Variants in CHLSN observed in about 807,000 individuals in gnomAD.
The protein encoded by CHLSN is cholesin, also known as protein cholesin.
chr7:1,046,588 C>A, the CHLSN span, among the ~76,000 whole-genome samples: 1 of 152,174 alleles, frequency 6.6e-6, no homozygotes, highest in South Asian at 2.1e-4. Context: ...ACGTTTCGCT[C>A]CAATTTGAGA....
At chr7:1,016,462 C>T in the CHLSN span, among the ~76,000 whole-genome samples, 1 of 117,564 alleles carries the variant, frequency 8.5e-6, no homozygotes, top group Non-Finnish European at 1.7e-5. Flanking sequence ...GCAGCGCACG[C>T]CAGCACATAG....
At chr7:1,004,605 G>T in the CHLSN span, among the ~76,000 whole-genome samples, 1 of 152,158 alleles carries the variant, frequency 6.6e-6, no homozygotes, top group Admixed American at 6.5e-5. Context: ...TCTTGGCCTC[G>T]TCACTGGGGG....
chr7:1,023,057 C>T, the CHLSN span: 1 of 448,554 alleles, frequency 2.2e-6, no homozygotes, highest in Non-Finnish European at 4.5e-6. This position sits in a 1 kb window ranked among gnomAD's most constrained non-coding sequence, Gnocchi z 5.0. Flanking sequence ...CTTCCTGCCA[C>T]CCCTGCAGAG....
At chr7:994,420 C>T in the CHLSN span, among the ~76,000 whole-genome samples, 4 of 152,112 alleles carry the variant, frequency 2.6e-5, no homozygotes, top group African/African-American at 9.7e-5. Flanking sequence ...TGGCCCCCCC[C>T]AAAGTGTTGG....
At chr7:1,137,089 C>A in the CHLSN span, among the ~76,000 whole-genome samples, 5 of 152,136 alleles carry the variant, frequency 3.3e-5, no homozygotes, top group African/African-American at 1.2e-4. Context: ...AAGGTCCTTG[C>A]CACTTGGTAA....
the CHLSN span, among the ~76,000 whole-genome samples, chr7:1,064,387 A>T: frequency 6.6e-6 from 1 of 151,944 alleles, no homozygotes; most frequent in African/African-American, 2.4e-5. Flanking sequence ...TGCTCCAGGG[A>T]CTCTGAGGAG....
At chr7:1,100,339 G>A in the CHLSN span, among the ~76,000 whole-genome samples, 1 of 152,256 alleles carries the variant, frequency 6.6e-6, no homozygotes, top group Non-Finnish European at 1.5e-5. Flanking sequence ...TCGCTCTTCA[G>A]GTCCGGCTGG....
At chr7:1,130,094 G>C in the CHLSN span, among the ~76,000 whole-genome samples, 2 of 152,166 alleles carry the variant, frequency 1.3e-5, no homozygotes, top group African/African-American at 2.4e-5. Context: ...TCTCCTCTGA[G>C]TGGGCAAGGA....
At chr7:1,044,942 C>T in the CHLSN span, among the ~76,000 whole-genome samples, 2 of 152,272 alleles carry the variant, frequency 1.3e-5, no homozygotes, top group Non-Finnish European at 2.9e-5. Flanking sequence ...AGCGCCGCCA[C>T]CGGCTCTCCC....
the CHLSN span, among the ~76,000 whole-genome samples, chr7:1,136,540 G>GAACATATATAAACATATAAACATA: frequency 9.4e-6 from 1 of 106,322 alleles, no homozygotes; most frequent in Non-Finnish European, 1.9e-5. Flanking sequence ...ACATATATAT[G>GAACATATATAAACATATAAACATA]AACATATATA....
the CHLSN span, among the ~76,000 whole-genome samples, chr7:1,059,857 G>A: frequency 0.011 from 693 of 65,128 alleles, 47 homozygotes; most frequent in Admixed American, 0.014. Context: ...GTCCGTAGTG[G>A]GGCGGGTCTG....
chr7:1,014,064 A>G, the CHLSN span, among the ~76,000 whole-genome samples: 1 of 152,214 alleles, frequency 6.6e-6, no homozygotes, highest in African/African-American at 2.4e-5. Context: ...CAACATGGAC[A>G]CTTCCACAGG....
At chr7:1,029,638 G>A in the CHLSN span, among the ~76,000 whole-genome samples, 7 of 152,198 alleles carry the variant, frequency 4.6e-5, no homozygotes, top group East Asian at 1.9e-4. Flanking sequence ...AGGCTGGGCC[G>A]GTTCCAGGGC....
At chr7:987,182 G>C in the CHLSN span, 1 of 1,561,980 alleles carries the variant, frequency 6.4e-7, no homozygotes, top group Non-Finnish European at 8.7e-7. Flanking sequence ...GGCCGGGACG[G>C]AGACGACCTC....
At chr7:995,793 G>A in the CHLSN span, among the ~76,000 whole-genome samples, 3 of 152,244 alleles carry the variant, frequency 2.0e-5, no homozygotes, top group East Asian at 1.9e-4. Flanking sequence ...GCCTGCCGCC[G>A]GCAAGGCCCG....
At chr7:1,044,868 G>C in the CHLSN span, among the ~76,000 whole-genome samples, 2 of 152,382 alleles carry the variant, frequency 1.3e-5, no homozygotes, top group South Asian at 2.1e-4. Context: ...CTGAGCCCCG[G>C]GGGCGGGCTT....
the CHLSN span, among the ~76,000 whole-genome samples, chr7:1,136,455 C>CATATATAAAT: frequency 2.0e-5 from 2 of 99,860 alleles, no homozygotes; most frequent in Admixed American, 1.1e-4. Flanking sequence ...TATATATAAA[C>CATATATAAAT]ATATATAAAC....
chr7:1,054,608 C>G, the CHLSN span, among the ~76,000 whole-genome samples: 222 of 152,382 alleles, frequency 1.5e-3, 1 homozygote, highest in Non-Finnish European at 2.2e-4. Context: ...GGCTGCCTCC[C>G]TCTGACTTGG....
the CHLSN span, chr7:983,051 G>C: frequency 3.3e-6 from 2 of 611,192 alleles, no homozygotes; most frequent in African/African-American, 3.9e-5. Flanking sequence ...CAGGCCTGCA[G>C]CTTTAAGCCA....
Sources: allele counts gnomAD v4.1 joint callset (sites outside exome capture counted in the v4.1 genomes callset), GRCh38; gene constraint gnomAD v4.1.1; non-coding constraint Gnocchi (gnomAD v3.1); transcripts MANE v1.5; gene names NCBI Gene and HGNC (gene_info 2026-07-23, HGNC 2026-07-21).